KCNAB1: variants seen among roughly 807,000 people sequenced by gnomAD.
The protein encoded by KCNAB1 is voltage-gated potassium channel subunit beta-1.
Under a neutral mutation model 64.6 loss-of-function variants are expected in KCNAB1, and 35 were observed. The ratio of observed to expected loss-of-function variants is 0.54; its 90% confidence interval spans 0.41 to 0.72. The LOEUF (loss-of-function observed/expected upper bound fraction) is 0.72. Ranked by LOEUF, KCNAB1 falls within the 30% of genes least tolerant of loss-of-function variation. KCNAB1 has a pLI of 0.00. For synonymous variants in KCNAB1, 177 were observed against 183.8 expected, an observed-to-expected ratio of 0.96 and a Z score of 0.30; for missense variants, 401 against 512.9, an observed-to-expected ratio of 0.78 and a Z score of 2.11.
intron 1 of KCNAB1, among the ~76,000 whole-genome samples, chr3:156,360,457 C>G (rs1725528177): frequency 6.6e-6 from 1 of 152,202 alleles, no homozygotes; most frequent in Admixed American, 6.5e-5. Flanking sequence ...TGCCTATAAT[C>G]CCAGTGCTTC....
At chr3:156,138,914 G>A (rs997685811) in intron 1 of KCNAB1, among the ~76,000 whole-genome samples, 10 of 152,068 alleles carry the variant, frequency 6.6e-5, no homozygotes, top group African/African-American at 2.4e-4. Context: ...CAGGCCTCCC[G>A]TGCTCCATCA....
chr3:156,428,488 T>C (rs865923372), intron 2 of KCNAB1, among the ~76,000 whole-genome samples: 8 of 127,490 alleles, frequency 6.3e-5, no homozygotes, highest in African/African-American at 1.6e-4. Flanking sequence ...AATTCCTCTA[T>C]ACACACACAC....
intron 1 of KCNAB1, among the ~76,000 whole-genome samples, chr3:156,172,057 C>G (rs189682724): frequency 2.0e-5 from 3 of 152,164 alleles, no homozygotes; most frequent in Admixed American, 6.5e-5. Context: ...GGCATTATGC[C>G]AAGAAAAATC....
intron 1 of KCNAB1, among the ~76,000 whole-genome samples, chr3:156,335,856 T>TTC (rs1300529452): frequency 6.7e-6 from 1 of 150,334 alleles, no homozygotes; most frequent in East Asian, 1.9e-4. Context: ...TGTTTGGGTT[T>TTC]TTTTTTTTTT....
At chr3:156,487,639 A>G (rs1715310011) in intron 8 of KCNAB1, among the ~76,000 whole-genome samples, 1 of 152,160 alleles carries the variant, frequency 6.6e-6, no homozygotes, top group South Asian at 2.1e-4. Context: ...GTTTGTTTTT[A>G]AGGGCCAGTG....
chr3:156,477,885 A>T (rs1714488043), intron 8 of KCNAB1, among the ~76,000 whole-genome samples: 1 of 152,180 alleles, frequency 6.6e-6, no homozygotes, highest in Admixed American at 6.5e-5. Flanking sequence ...TCTGGATTCC[A>T]TGTTGTTGAG....
In KCNAB1 at chr3:156,249,772, T is replaced by G. The variant is rs1008138250; in HGVS notation, c.275+128886T>G. Among the ~76,000 whole-genome samples the G allele has an allele frequency of 2.6e-5, 4 of 152,118 alleles. No individual in the cohort carries two copies. The East Asian group carries it at 7.7e-4, about 29-fold the overall frequency. ...GTCAAGGACTAGTCACATGGCCACA[T>G]GTGCTAGTGGGGCCAGAAAGAGTTG... On this transcript the variant is annotated intron_variant, in intron 1 of 13. Transcript: ENST00000490337.
At chr3:156,532,734 A>G (rs572529763) in intron 13 of KCNAB1, among the ~76,000 whole-genome samples, 2 of 152,236 alleles carry the variant, frequency 1.3e-5, no homozygotes, top group African/African-American at 4.8e-5. Flanking sequence ...CTCCTACTGG[A>G]TTCTGTGAGG....
rs1719170154 is a variant in KCNAB1, at chr3:156,537,962, T to C, written c.*1215T>C. ...CTTCTGGTTCTATAATCATATTATA[T>C]GCACTAAACTATATGCATGAAAGTT... is the stretch of plus-strand genomic sequence containing the variant. On this transcript the variant is annotated 3_prime_UTR_variant, in exon 14 of 14. Transcript: ENST00000490337. 1 of 152,212 alleles carries C rather than the reference T, an allele frequency of 6.6e-6. No homozygotes were observed. The highest frequency in any genetic ancestry group is 2.4e-5 in the African/African-American group (1 of 41,452). The allele number at this position is 152,212 out of a possible 1,614,324, so 9.4% of individuals were successfully genotyped here.
At chr3:156,466,475 T>C (rs7641703) in intron 7 of KCNAB1, among the ~76,000 whole-genome samples, 20,912 of 151,998 alleles carry the variant, frequency 0.14, 2,783 homozygotes, top group African/African-American at 0.35. Flanking sequence ...TTAAGACTAC[T>C]ATAGTTTTTA....
At position 156,536,854 on chromosome 3, in the gene KCNAB1, A is replaced by AGTG; in HGVS notation, c.*107_*108insGTG. The AGTG allele has an allele frequency of 2.6e-6, 2 of 768,272 alleles. No individual in the cohort carries two copies. Among genetic ancestry groups the AGTG allele is most frequent in the Non-Finnish European group, 4.5e-6 (2 of 441,900 alleles). The allele number at this position is 768,272 out of a possible 1,614,324, so 47.6% of individuals were successfully genotyped here. A position where few individuals can be genotyped will look rare whatever the true frequency, so the allele number is the denominator to read the frequency against. On this transcript the variant is annotated 3_prime_UTR_variant, in exon 14 of 14. Transcript: ENST00000490337. ...TGAATCACTTAGCAGCTTGCTGCTC[A>AGTG]ACCTCTAGTGTCCCTCCCTGGATTC...
At chr3:156,441,484 T>C (rs902365924) in intron 2 of KCNAB1, 7 of 152,112 alleles carry the variant, frequency 4.6e-5, no homozygotes, top group African/African-American at 1.7e-4. Context: ...TTTGAACACA[T>C]ACTATATTCC....
At chr3:156,150,204 G>A (rs958574250) in intron 1 of KCNAB1, among the ~76,000 whole-genome samples, 10 of 152,146 alleles carry the variant, frequency 6.6e-5, no homozygotes, top group Admixed American at 3.3e-4. Context: ...CTGTGGAGGC[G>A]TAGTGAAAGG....
intron 1 of KCNAB1, among the ~76,000 whole-genome samples, chr3:156,144,749 T>TA (rs1714940878): frequency 6.6e-6 from 1 of 152,194 alleles, no homozygotes; most frequent in African/African-American, 2.4e-5. Context: ...ATTTCACTTT[T>TA]AAAAAAGTCT....
At chr3:156,408,872 A>G in intron 1 of KCNAB1, among the ~76,000 whole-genome samples, 1 of 152,144 alleles carries the variant, frequency 6.6e-6, no homozygotes, top group East Asian at 1.9e-4. Flanking sequence ...AGTGAAAAAG[A>G]AAAAATATAT....
intron 1 of KCNAB1, among the ~76,000 whole-genome samples, chr3:156,142,532 G>A (rs1714764982): frequency 6.6e-6 from 1 of 152,186 alleles, no homozygotes; most frequent in Admixed American, 6.5e-5. Context: ...TGATGGAAAA[G>A]CTATTCTTCC....
chr3:156,523,614 A>T (rs923895391), intron 11 of KCNAB1: 5 of 509,870 alleles, frequency 9.8e-6, no homozygotes, highest in Non-Finnish European at 1.7e-5. Context: ...TGAATGGTGA[A>T]TATTAGTCAA....
intron 8 of KCNAB1, among the ~76,000 whole-genome samples, chr3:156,512,086 C>T (rs1717251906): frequency 1.3e-5 from 2 of 152,198 alleles, no homozygotes; most frequent in Admixed American, 6.5e-5. Context: ...TCTTTCATTT[C>T]CTGTCCCAGT....
chr3:156,485,615 C>G (rs138324434), intron 8 of KCNAB1, among the ~76,000 whole-genome samples: 1 of 151,384 alleles, frequency 6.6e-6, no homozygotes, highest in African/African-American at 2.4e-5. Flanking sequence ...ATTTTAGATT[C>G]GGGGGTACAT....
Sources: gnomAD v4.1 joint callset for allele counts (sites outside exome capture counted in the v4.1 genomes callset) on GRCh38, gnomAD v4.1.1 for gene constraint, MANE v1.5 for transcripts, NCBI Gene and HGNC (gene_info 2026-07-23, HGNC 2026-07-21) for gene names.